Variants in KCNC4 observed in about 807,000 individuals in gnomAD.
KCNC4 encodes potassium voltage-gated channel subfamily C member 4, also known as voltage-gated potassium channel KCNC4.
In KCNC4, 23 loss-of-function variants were observed where a neutral mutation model predicts 42.8. The observed-to-expected ratio is 0.54, with a 90% CI of 0.39 to 0.76. The LOEUF (loss-of-function observed/expected upper bound fraction) is 0.76, where lower values mean the gene tolerates loss of function less well. Ranked by LOEUF, KCNC4 falls within the 30% of genes least tolerant of loss-of-function variation. The probability of loss-of-function intolerance (pLI) is 0.00; values close to 1 mark genes in which losing one functional copy is unlikely to be tolerated. For synonymous variants in KCNC4, 422 were observed against 393.5 expected, an observed-to-expected ratio of 1.07 and a Z score of -0.86; for missense variants, 751 against 898.2, an observed-to-expected ratio of 0.84 and a Z score of 2.10.
intron 3 of KCNC4, among the ~76,000 whole-genome samples, chr1:110,227,489 A>AC (rs765774449): frequency 2.0e-5 from 3 of 152,142 alleles, no homozygotes; most frequent in Non-Finnish European, 4.4e-5. Flanking sequence ...TGGTCCAGCA[A>AC]CCCCAGCAAA....
chr1:110,256,197 AC>A (rs1408826782), intron 1 of KCNC4, among the ~76,000 whole-genome samples: 3 of 152,112 alleles, frequency 2.0e-5, no homozygotes, highest in African/African-American at 7.2e-5. Context: ...CATTCGACAA[AC>A]ATTTCCTGTG....
At chr1:110,269,308 C>T (rs1341380643) in intron 1 of KCNC4, among the ~76,000 whole-genome samples, 1 of 152,208 alleles carries the variant, frequency 6.6e-6, no homozygotes, top group Non-Finnish European at 1.5e-5. Flanking sequence ...AACATTCTCT[C>T]ATATACCTTT....
intron 1 of KCNC4, among the ~76,000 whole-genome samples, chr1:110,268,623 A>AAAAAG (rs1659586568): frequency 6.7e-6 from 1 of 148,812 alleles, no homozygotes. Context: ...AAAAAAAAAA[A>AAAAAG]AAAAGAAAAG....
chr1:110,214,999 C>G (rs1303072963), intron 1 of KCNC4, among the ~76,000 whole-genome samples: 6 of 152,246 alleles, frequency 3.9e-5, no homozygotes, highest in African/African-American at 1.4e-4. Context: ...GCTACCTTCC[C>G]TCGCTCACAG....
intron 1 of KCNC4, among the ~76,000 whole-genome samples, chr1:110,280,174 T>C (rs1659796736): frequency 6.6e-6 from 1 of 152,268 alleles, no homozygotes; most frequent in South Asian, 2.1e-4. Flanking sequence ...GTTCTCTTTT[T>C]AACCATTTCG....
chr1:110,253,314 C>T (rs957589001), downstream of KCNC4, among the ~76,000 whole-genome samples: 18 of 152,310 alleles, frequency 1.2e-4, no homozygotes, highest in African/African-American at 4.3e-4. Context: ...TCTGGTCTTC[C>T]CTAAAGAATA....
At position 110,232,937 on chromosome 1, in the gene KCNC4, A is replaced by G. The variant is rs750066873; in HGVS notation, c.1846A>G (p.Asn616Asp). 5.0e-6 allele frequency: 8 copies of G among 1,612,048 alleles called. No homozygotes were observed. The highest frequency in any genetic ancestry group is 6.8e-6 in the Non-Finnish European group (8 of 1,179,226). ...GACCTGCCAAGACGCCCTCTCGTCC[A>G]ACTATGCCCAGGCTGAAGTCCTCAC... Reference protein sequence around the residue: ...KETCQDALSSNYAQAEVLTLS With the variant: ...KETCQDALSSDYAQAEVLTLS The change falls in exon 4 of 4, where the codon AAC becomes GAC. Residue 616 changes from asparagine (N) to aspartate (D), a missense_variant. Physicochemically the swap from Asn to Asp is conservative, Grantham distance 23. Coordinates refer to ENST00000438661, the MANE Select transcript of KCNC4 (RefSeq NM_001039574.3).
chr1:110,211,892 C>T lies in KCNC4; in HGVS notation c.393C>T (p.Thr131=), dbSNP rs748057993. ...VCGPLFEEEL[T]FWGIDETDVE... ...GGCCGCTCTTCGAAGAGGAGCTCAC[C>T]TTCTGGGGCATCGACGAGACCGACG... Residue 131 remains threonine (T), a synonymous_variant, in exon 1 of 4, where the codon ACC becomes ACT. Coordinates refer to ENST00000438661, the MANE Select transcript of KCNC4 (RefSeq NM_001039574.3). This position sits in a 1 kb window ranked among gnomAD's most constrained non-coding sequence, Gnocchi z 6.5. 6.2e-6 allele frequency: 10 copies of T among 1,611,590 alleles called. No homozygotes were observed. Among genetic ancestry groups the T allele is most frequent in the East Asian group, 2.2e-5 (1 of 44,868 alleles).
chr1:110,238,009 A>G (rs1658947406), downstream of KCNC4: 1 of 152,280 alleles, frequency 6.6e-6, no homozygotes, highest in Admixed American at 6.5e-5. Context: ...TGGTAACCGC[A>G]TTCAAAATGC....
chr1:110,213,176 A>AAAAAAG, intron 1 of KCNC4, among the ~76,000 whole-genome samples: 1 of 149,768 alleles, frequency 6.7e-6, no homozygotes, highest in Middle Eastern at 3.5e-3. Flanking sequence ...CAGCTAAAAA[A>AAAAAAG]AAAAAAAAAA....
chr1:110,283,813 T>C (rs1305226237), downstream of KCNC4, among the ~76,000 whole-genome samples: 2 of 152,222 alleles, frequency 1.3e-5, no homozygotes, highest in African/African-American at 4.8e-5. Flanking sequence ...GTTCTGTTAA[T>C]CTCTTTCTGT....
Position 110,223,877 on chromosome 1 carries a change from G to A in KCNC4, c.1592G>A (p.Gly531Asp). The change falls in exon 2 of 4, where the codon GGT becomes GAT. Residue 531 changes from glycine (G) to aspartate (D), a missense_variant. By Grantham distance (94) the Gly-to-Asp change is moderately conservative (BLOSUM62 -1). Transcript: ENST00000438661. This position sits in a 1 kb window ranked among gnomAD's most constrained non-coding sequence, Gnocchi z 7.5. ...SDTSPPAREE[G>D]MIERKRADSK... ...ACCAGCCCCCCTGCCCGGGAAGAGG[G>A]TATGATCGAGAGGAAACGGGCAGGT... 1 of 1,599,786 alleles carries A rather than the reference G, an allele frequency of 6.3e-7. No individual in the cohort carries two copies. Among genetic ancestry groups the A allele is most frequent in the Non-Finnish European group, 8.5e-7 (1 of 1,171,186 alleles).
chr1:110,279,128 T>G (rs554382675), intron 1 of KCNC4, among the ~76,000 whole-genome samples: 44 of 152,306 alleles, frequency 2.9e-4, no homozygotes, highest in Admixed American at 5.2e-4. Context: ...TTGATGTGCA[T>G]ATCAGTGGAA....
intron 1 of KCNC4, among the ~76,000 whole-genome samples, chr1:110,212,920 GC>G (rs1197875384): frequency 6.6e-6 from 1 of 152,114 alleles, no homozygotes; most frequent in Non-Finnish European, 1.5e-5. Flanking sequence ...CCAGTGGCCA[GC>G]CACAGGCTTC....
exon 4 of KCNC4, chr1:110,240,200 C>T (rs1423827902): frequency 2.6e-5 from 4 of 152,270 alleles, no homozygotes; most frequent in Non-Finnish European, 4.4e-5. Context: ...TTCCTGGACT[C>T]GGAGCCTCCC....
intron 3 of KCNC4, chr1:110,232,369 G>A (rs1362320420): frequency 6.3e-7 from 1 of 1,578,232 alleles, no homozygotes; most frequent in Non-Finnish European, 8.6e-7. Flanking sequence ...CAGCTCCTTG[G>A]GACAATGGAA....
downstream of KCNC4, among the ~76,000 whole-genome samples, chr1:110,252,864 T>G (rs1659269376): frequency 6.6e-6 from 1 of 152,170 alleles, no homozygotes; most frequent in Admixed American, 6.5e-5. Context: ...CAGGTATGTG[T>G]TGTTATCAAC....
Position 110,211,156 on chromosome 1 carries a change from G to T in KCNC4, c.-344G>T, listed in dbSNP as rs1657420352. 6.6e-6 allele frequency among the ~76,000 whole-genome samples: 1 copy of T among 152,250 alleles called. No individual in the cohort carries two copies. The highest frequency in any genetic ancestry group is 1.5e-5 in the Non-Finnish European group (1 of 68,050). Reference sequence around the variant, plus strand: ...GTGCGCTTCCTCGTCTTTGGTCGGGGTGAAGGCGGGGGCGTGTCCCCGGCC... The same window carrying T: ...GTGCGCTTCCTCGTCTTTGGTCGGGTTGAAGGCGGGGGCGTGTCCCCGGCC... On this transcript the variant is annotated 5_prime_UTR_variant, in exon 1 of 4. Transcript: ENST00000438661. The surrounding 1 kb of genome is among the most constrained non-coding windows in gnomAD (Gnocchi z 6.5).
exon 4 of KCNC4, chr1:110,247,516 T>A (rs553694041): frequency 3.3e-5 from 5 of 151,814 alleles, no homozygotes; most frequent in Non-Finnish European, 7.4e-5. Context: ...GGCTTTCTTC[T>A]AGATATATTG....
Sources: allele counts gnomAD v4.1 joint callset (sites outside exome capture counted in the v4.1 genomes callset), GRCh38; gene constraint gnomAD v4.1.1; non-coding constraint Gnocchi (gnomAD v3.1); transcripts MANE v1.5; gene names NCBI Gene and HGNC (gene_info 2026-07-23, HGNC 2026-07-21).